MAP4K4: variants seen among roughly 807,000 people sequenced by gnomAD.
MAP4K4 encodes the protein mitogen-activated protein kinase kinase kinase kinase 4.
A neutral mutation model predicts 189.6 loss-of-function variants in MAP4K4; 38 were observed. The ratio of observed to expected loss-of-function variants is 0.20; its 90% CI spans 0.15 to 0.26. The LOEUF (loss-of-function observed/expected upper bound fraction) is 0.26, where lower values mean the gene tolerates loss of function less well. MAP4K4 is among the 10% of genes least tolerant of loss of function. The pLI is 1.00. For missense variants in MAP4K4, 1,054 were observed against 1,726.9 expected (o/e 0.61, Z 6.91); for synonymous variants, 610 against 624.3 (o/e 0.98, Z 0.34).
At chr2:101,879,868 C>T (rs1369635598) in intron 27 of MAP4K4, among the ~76,000 whole-genome samples, 8 of 140,832 alleles carry the variant, frequency 5.7e-5, no homozygotes, top group South Asian at 2.4e-4. Flanking sequence ...TTTTTCTAAA[C>T]GTTTTTTCAG....
chr2:101,892,855 C>G, exon 33 of MAP4K4: 1 of 456,002 alleles, frequency 2.2e-6, no homozygotes, highest in Non-Finnish European at 4.4e-6. Context: ...AGGATATTAC[C>G]GTCTCAGGAA....
intron 22 of MAP4K4, 105 bp from the exon 23 acceptor site, chr2:101,870,190 G>T: frequency 1.7e-6 from 2 of 1,168,180 alleles, no homozygotes; most frequent in Non-Finnish European, 2.4e-6. Context: ...GCTTTATATC[G>T]GTAGCCTCAT....
At chr2:101,882,798 A>T in intron 28 of MAP4K4, 113 bp downstream of exon 28, 1 of 1,033,610 alleles carries the variant, frequency 9.7e-7, no homozygotes, top group Non-Finnish European at 1.4e-6. Flanking sequence ...CTTGTTTCTG[A>T]AACACGTGGA....
At chr2:101,743,273 T>A (rs2063657900) in intron 2 of MAP4K4, among the ~76,000 whole-genome samples, 1 of 152,180 alleles carries the variant, frequency 6.6e-6, no homozygotes, top group African/African-American at 2.4e-5. Flanking sequence ...TTTTGCCTTG[T>A]TTTTTGGCTT....
chr2:101,774,732 T>C (rs1234907736), intron 2 of MAP4K4, among the ~76,000 whole-genome samples: 2 of 152,158 alleles, frequency 1.3e-5, no homozygotes, highest in African/African-American at 2.4e-5. Context: ...AGTTTTAACA[T>C]GTATAGATTT....
At chr2:101,860,046 C>T in intron 15 of MAP4K4, 182 bp downstream of exon 15, 3 of 647,144 alleles carry the variant, frequency 4.6e-6, no homozygotes, top group South Asian at 3.8e-5. Context: ...GTTTCATATT[C>T]AGTCAGTGCT....
At chr2:101,758,420 A>G (rs2074037446) in intron 2 of MAP4K4, among the ~76,000 whole-genome samples, 1 of 152,266 alleles carries the variant, frequency 6.6e-6, no homozygotes, top group South Asian at 2.1e-4. Flanking sequence ...GTCCACTTAG[A>G]TATACTCGGA....
chr2:101,775,874 T>C (rs1349815752), intron 2 of MAP4K4, among the ~76,000 whole-genome samples: 1 of 152,204 alleles, frequency 6.6e-6, no homozygotes, highest in Non-Finnish European at 1.5e-5. Context: ...GGTCACTCAC[T>C]GTGGGTCAGT....
intron 2 of MAP4K4, among the ~76,000 whole-genome samples, chr2:101,718,463 GA>G (rs1413717187): frequency 1.3e-4 from 13 of 103,634 alleles, no homozygotes; most frequent in African/African-American, 8.1e-4. Context: ...CTTTTTGCCA[GA>G]TTTGTTTCCC....
intron 19 of MAP4K4, 121 bp downstream of exon 19, chr2:101,866,700 T>A: frequency 8.0e-7 from 1 of 1,246,834 alleles, no homozygotes; most frequent in Non-Finnish European, 1.1e-6. Flanking sequence ...TGTTTTAGCA[T>A]AGGTTGCTAG....
intron 3 of MAP4K4, among the ~76,000 whole-genome samples, chr2:101,818,658 G>A (rs2149264963): frequency 6.6e-6 from 1 of 152,280 alleles, no homozygotes; most frequent in Admixed American, 6.5e-5. Flanking sequence ...ATGGTGGAGT[G>A]GGCAGGGCTT....
chr2:101,766,004 T>C (rs375148626), intron 2 of MAP4K4, among the ~76,000 whole-genome samples: 4 of 152,178 alleles, frequency 2.6e-5, no homozygotes, highest in African/African-American at 7.2e-5. Flanking sequence ...AAAGGTTACA[T>C]ACCCTATTCG....
At chr2:101,774,282 G>A (rs971890346) in intron 2 of MAP4K4, among the ~76,000 whole-genome samples, 1 of 152,308 alleles carries the variant, frequency 6.6e-6, no homozygotes, top group South Asian at 2.1e-4. Flanking sequence ...TCTCATTGTA[G>A]TTTTGATTTG....
intron 27 of MAP4K4, among the ~76,000 whole-genome samples, chr2:101,877,444 A>G (rs2098236032): frequency 6.7e-6 from 1 of 148,922 alleles, no homozygotes; most frequent in Non-Finnish European, 1.5e-5. Flanking sequence ...CTTGTCCAAT[A>G]TGTAGGTCTG....
Position 101,859,131 on chromosome 2 carries a change from C to T in MAP4K4, c.1482+49C>T, listed in dbSNP as rs369118609. On this transcript the variant is annotated intron_variant, in intron 14 of 32. Transcript: ENST00000324219. ...TCTGTAGCATCAGGGCTCCTTCATC[C>T]GTCCCCAAAGTTGAGCAAGCTGTGG... 312 of 1,539,688 alleles carry T rather than the reference C, an allele frequency of 2.0e-4. 1 individual carries two copies. In the Middle Eastern group the frequency reaches 2.3e-3, roughly 12 times the overall value.
chr2:101,762,797 A>G (rs971556115), intron 2 of MAP4K4, among the ~76,000 whole-genome samples: 22 of 152,128 alleles, frequency 1.4e-4, no homozygotes, highest in African/African-American at 5.3e-4. Context: ...TAGGCTTTTC[A>G]GTGCTTGGCT....
intron 3 of MAP4K4, among the ~76,000 whole-genome samples, chr2:101,799,181 A>G (rs951334064): frequency 1.3e-5 from 2 of 152,194 alleles, no homozygotes; most frequent in Admixed American, 6.5e-5. Flanking sequence ...CAAGACAGCA[A>G]TACATACTTT....
chr2:101,763,744 T>G (rs2077411198), intron 2 of MAP4K4, among the ~76,000 whole-genome samples: 1 of 152,190 alleles, frequency 6.6e-6, no homozygotes, highest in African/African-American at 2.4e-5. Context: ...ACAATCTCTA[T>G]GAGAAACAAA....
intron 27 of MAP4K4, among the ~76,000 whole-genome samples, chr2:101,879,412 A>ACT (rs2098317485): frequency 6.6e-6 from 1 of 151,826 alleles, no homozygotes; most frequent in Non-Finnish European, 1.5e-5. Context: ...CTCAGAGATA[A>ACT]CTCTTGTTAA....
Sources: gnomAD v4.1 joint callset for allele counts (sites outside exome capture counted in the v4.1 genomes callset) on GRCh38, gnomAD v4.1.1 for gene constraint, MANE v1.5 for transcripts, NCBI Gene and HGNC (gene_info 2026-07-23, HGNC 2026-07-21) for gene names.